The following LTBP1 variants were observed in gnomAD, a reference collection of about 807,000 sequenced individuals.
LTBP1 encodes latent-transforming growth factor beta-binding protein 1.
Under a neutral mutation model 207.6 loss-of-function variants are expected in LTBP1, and 129 were observed. The ratio of observed to expected loss-of-function variants is 0.62; its 90% CI spans 0.54 to 0.72. The LOEUF is 0.72. LTBP1 is among the 30% of genes least tolerant of loss of function. LTBP1 has a pLI of 0.00. For synonymous variants in LTBP1, 963 were observed against 833.7 expected (o/e 1.16, Z -2.67); for missense variants, 2,281 against 2,217.2 (o/e 1.03, Z -0.58).
chr2:33,205,852 C>T (rs183095496), intron 7 of LTBP1, among the ~76,000 whole-genome samples: 2 of 152,066 alleles, frequency 1.3e-5, no homozygotes, highest in Non-Finnish European at 2.9e-5. Context: ...GTGAGCTTGA[C>T]CTCTCTGTTG....
At chr2:33,128,858 G>A (rs1193188892) in intron 4 of LTBP1, among the ~76,000 whole-genome samples, 1 of 152,186 alleles carries the variant, frequency 6.6e-6, no homozygotes, top group Non-Finnish European at 1.5e-5. Context: ...CTTGGAGGAT[G>A]TGTTTCTTCA....
intron 18 of LTBP1, among the ~76,000 whole-genome samples, chr2:33,278,966 A>C (rs2093502426): frequency 6.6e-6 from 1 of 152,240 alleles, no homozygotes; most frequent in Non-Finnish European, 1.5e-5. Context: ...AATGGTATGC[A>C]GTGGGAGATA....
intron 21 of LTBP1, among the ~76,000 whole-genome samples, chr2:33,301,178 A>G (rs2093983113): frequency 6.6e-6 from 1 of 152,216 alleles, no homozygotes; most frequent in African/African-American, 2.4e-5. Flanking sequence ...TCACTTCCCA[A>G]TAAGTATGTG....
intron 7 of LTBP1, among the ~76,000 whole-genome samples, chr2:33,217,245 A>G (rs774630453): frequency 2.8e-4 from 42 of 152,190 alleles, no homozygotes; most frequent in Non-Finnish European, 1.0e-4. Flanking sequence ...CTTACACACT[A>G]TGAGGCTCTT....
In LTBP1 at chr2:33,309,468, C is replaced by T; in HGVS notation, c.3516C>T (p.Cys1172=). 2 of 1,608,450 alleles carry T rather than the reference C, an allele frequency of 1.2e-6. No individual in the cohort carries two copies. Among genetic ancestry groups the T allele is most frequent in the Non-Finnish European group, 1.7e-6 (2 of 1,177,992 alleles). Residue 1172 remains cysteine, a synonymous_variant, in exon 23 of 34, where the codon TGC becomes TGT. Transcript: ENST00000404816. ...AATGCTTGGAGGACAAGAGTGTTTG[C>T]CAGAGAGGAGACTGCATTAATACTG... ...INECLEDKSV[C]QRGDCINTAG... is the part of the protein sequence containing the mutation.
rs1331852382 is a variant in LTBP1, at chr2:33,300,349, A to G, written c.3236-102A>G. On this transcript the variant is annotated intron_variant, in intron 20 of 33. Transcript: ENST00000404816. The stretch of plus-strand genomic sequence containing the variant: ...GTGTGTAGTGCCAGACATAAGAAGT[A>G]CTATTATTTTTGTTACACTAATCCC... 7 of 1,138,544 alleles carry G rather than the reference A, an allele frequency of 6.1e-6. No homozygotes were observed. In the Admixed American group the frequency reaches 7.4e-5, roughly 12 times the overall value. 70.5% of individuals were successfully genotyped at this position (1,138,544 alleles called of 1,614,324 possible). A position where few individuals can be genotyped will look rare whatever the true frequency, so the allele number is the denominator to read the frequency against.
intron 15 of LTBP1, among the ~76,000 whole-genome samples, chr2:33,266,506 C>G (rs950160829): frequency 2.0e-5 from 3 of 152,054 alleles, no homozygotes; most frequent in African/African-American, 7.2e-5. Context: ...AGTCCACGGT[C>G]CAGAGTGAAG....
At chr2:33,369,619 G>A (rs1303604571) in intron 31 of LTBP1, among the ~76,000 whole-genome samples, 3 of 151,952 alleles carry the variant, frequency 2.0e-5, no homozygotes, top group Admixed American at 1.3e-4. Flanking sequence ...GTGCAGTGGC[G>A]GGATCTCAGC....
chr2:33,163,754 T>C (rs1334452061), intron 5 of LTBP1, among the ~76,000 whole-genome samples: 1 of 152,022 alleles, frequency 6.6e-6, no homozygotes, highest in East Asian at 1.9e-4. Context: ...ACATATAAGG[T>C]TTGGGGGAGA....
intron 5 of LTBP1, among the ~76,000 whole-genome samples, chr2:33,172,244 G>A (rs934211281): frequency 6.6e-6 from 1 of 152,164 alleles, no homozygotes; most frequent in African/African-American, 2.4e-5. Context: ...TCAGTGTGCT[G>A]TATTCAGGAA....
intron 4 of LTBP1, among the ~76,000 whole-genome samples, chr2:33,114,733 T>TAAAAGCAAAA: frequency 6.6e-6 from 1 of 152,238 alleles, no homozygotes; most frequent in African/African-American, 2.4e-5. Flanking sequence ...ATGTTACTCC[T>TAAAAGCAAAA]GGTTGCTTAT....
intron 32 of LTBP1, among the ~76,000 whole-genome samples, chr2:33,392,513 G>A (rs2095323771): frequency 6.6e-6 from 1 of 152,128 alleles, no homozygotes. Context: ...GGCTTTGCAG[G>A]TCATGTGGTT....
intron 24 of LTBP1, among the ~76,000 whole-genome samples, chr2:33,318,258 G>A (rs755247279): frequency 6.6e-6 from 1 of 152,206 alleles, no homozygotes; most frequent in African/African-American, 2.4e-5. Context: ...GAGAAACACC[G>A]TGGTTCTCCC....
chr2:33,152,792 C>T (rs1409600130), intron 5 of LTBP1, among the ~76,000 whole-genome samples: 1 of 152,046 alleles, frequency 6.6e-6, no homozygotes, highest in Non-Finnish European at 1.5e-5. Flanking sequence ...ATTGGTTTGT[C>T]ATAGTTGATT....
At chr2:33,222,787 T>C (rs2091196603) in intron 9 of LTBP1, among the ~76,000 whole-genome samples, 1 of 152,206 alleles carries the variant, frequency 6.6e-6, no homozygotes, top group Non-Finnish European at 1.5e-5. Flanking sequence ...AGTGACTTTC[T>C]TGTGGCAGCA....
At chr2:33,247,700 T>C (rs1384741301) in intron 10 of LTBP1, among the ~76,000 whole-genome samples, 2 of 152,358 alleles carry the variant, frequency 1.3e-5, no homozygotes, top group African/African-American at 4.8e-5. Context: ...ATATTCTCTA[T>C]CTGTGCCACC....
chr2:33,233,957 T>C (rs1300548851), intron 9 of LTBP1, among the ~76,000 whole-genome samples: 1 of 152,098 alleles, frequency 6.6e-6, no homozygotes, highest in Non-Finnish European at 1.5e-5. Context: ...TAGTGGTTTG[T>C]GTGTGTCTGT....
intron 5 of LTBP1, among the ~76,000 whole-genome samples, chr2:33,140,432 T>G (rs181330841): frequency 6.6e-6 from 1 of 152,192 alleles, no homozygotes; most frequent in Non-Finnish European, 1.5e-5. Context: ...CACTGGAGAA[T>G]GTATTTTCCC....
In LTBP1 at chr2:33,021,197, T is replaced by C; in HGVS notation, c.854T>C (p.Ile285Thr). The change falls in exon 3 of 34, where the codon ATA (isoleucine) becomes ACA (threonine). Residue 285 changes from isoleucine to threonine, a missense_variant. By Grantham distance (89) the Ile-to-Thr change is moderately conservative. Coordinates refer to ENST00000404816, the MANE Select transcript of LTBP1 (RefSeq NM_206943.4). Reference sequence around the variant, plus strand: ...CCTTCAGTGGGACTCCCCCAGCAGATACATTCTCAGTGAGTGTTTCGAACT... The same window carrying C: ...CCTTCAGTGGGACTCCCCCAGCAGACACATTCTCAGTGAGTGTTTCGAACT... Reference protein sequence around the residue: ...PKPSVGLPQQIHSQVTPLSSQ... With the variant: ...PKPSVGLPQQTHSQVTPLSSQ... 8 of 1,592,688 alleles carry C rather than the reference T, an allele frequency of 5.0e-6. No homozygotes were observed. The highest frequency in any genetic ancestry group is 6.9e-6 in the Non-Finnish European group (8 of 1,165,708).
Sources: allele counts gnomAD v4.1 joint callset (sites outside exome capture counted in the v4.1 genomes callset), GRCh38; gene constraint gnomAD v4.1.1; transcripts MANE v1.5; gene names NCBI Gene and HGNC (gene_info 2026-07-23, HGNC 2026-07-21).